The following SPON1 variants were observed in gnomAD, a reference collection of about 807,000 sequenced individuals.
SPON1 encodes the protein spondin 1.
Under a neutral mutation model 111.7 loss-of-function variants are expected in SPON1, and 52 were observed. The observed-to-expected ratio is 0.47, with a 90% CI of 0.37 to 0.59. The LOEUF is 0.59. Among genes scored for constraint, SPON1 ranks in the 20% least tolerant of loss-of-function variants. The pLI is 0.00. For synonymous variants in SPON1, 410 were observed against 395.8 expected, an observed-to-expected ratio of 1.04 and a Z score of -0.43; for missense variants, 957 against 1,068.5, an observed-to-expected ratio of 0.90 and a Z score of 1.46.
In SPON1 at chr11:13,975,389, C is replaced by G. The variant is rs1242142105; in HGVS notation, c.239-7458C>G. Among the ~76,000 whole-genome samples, 4 of 152,210 alleles carry G rather than the reference C, an allele frequency of 2.6e-5. No individual in the cohort carries two copies. In the East Asian group the frequency reaches 7.7e-4, roughly 29 times the overall value. ...ACTATGCATTTAAGACAAATAAAACCTTTTTTGTTCATTCATTCAACAAGT... is the reference window on the plus strand; with the variant it reads ...ACTATGCATTTAAGACAAATAAAACGTTTTTTGTTCATTCATTCAACAAGT... On this transcript the variant is annotated intron_variant, in intron 1 of 15. Transcript: ENST00000576479.
intron 2 of SPON1, among the ~76,000 whole-genome samples, chr11:14,013,294 G>T (rs1554913926): frequency 2.6e-5 from 4 of 152,138 alleles, no homozygotes. Flanking sequence ...ATCAGTAAAG[G>T]TGGGCATGGG....
Position 14,135,461 on chromosome 11 carries a change from T to C in SPON1, c.718T>C (p.Ser240Pro). Residue 240 changes from serine to proline, a missense_variant, in exon 6 of 16, where the codon TCC (serine) becomes CCC (proline). Physicochemically the swap from Ser to Pro is moderately conservative, Grantham distance 74. Around this residue, in one of 5 missense-constraint regions of SPON1, gnomAD observed 122 missense variants for 143.2 expected, o/e 0.85. Transcript: ENST00000576479. This position sits in a 1 kb window ranked among gnomAD's most constrained non-coding sequence, Gnocchi z 4.4. ...HWSAIIGGSH[S>P]KNYVLWEYGG... ...GTCTGCGATCATCGGAGGATCCCAC[T>C]CCAAGAATTATGTACTGTGGGAATA... 6.2e-7 allele frequency: 1 copy of C among 1,613,474 alleles called. No homozygotes were observed. Among genetic ancestry groups the C allele is most frequent in the Non-Finnish European group, 8.5e-7 (1 of 1,179,504 alleles).
chr11:14,126,303 C>G (rs1235592574), intron 5 of SPON1, among the ~76,000 whole-genome samples: 1 of 152,198 alleles, frequency 6.6e-6, no homozygotes, highest in Non-Finnish European at 1.5e-5. Context: ...ACCATGCACC[C>G]TGTCTCCTTC....
At chr11:14,187,031 G>A (rs1848292873) in intron 6 of SPON1, among the ~76,000 whole-genome samples, 2 of 152,152 alleles carry the variant, frequency 1.3e-5, no homozygotes, top group Admixed American at 6.6e-5. Flanking sequence ...CAGGCCATAC[G>A]AGCACAGCAC....
intron 3 of SPON1, among the ~76,000 whole-genome samples, chr11:14,074,282 G>A (rs1848899351): frequency 1.3e-5 from 2 of 152,226 alleles, no homozygotes; most frequent in Admixed American, 1.3e-4. Flanking sequence ...AAGACTAGAT[G>A]TAGAGTAGAT....
intron 6 of SPON1, among the ~76,000 whole-genome samples, chr11:14,215,316 G>T (rs1848615719): frequency 6.6e-6 from 1 of 152,088 alleles, no homozygotes; most frequent in African/African-American, 2.4e-5. Flanking sequence ...AGGTGACCTG[G>T]GTTATTTCTT....
intron 6 of SPON1, among the ~76,000 whole-genome samples, chr11:14,148,438 C>T (rs10741636): frequency 0.4 from 60,915 of 151,730 alleles, 12,423 homozygotes; most frequent in East Asian, 0.55. Flanking sequence ...TGTTTTTGTG[C>T]TATCTATTCA....
At chr11:14,121,664 C>G (rs1847390562) in intron 5 of SPON1, among the ~76,000 whole-genome samples, 1 of 152,066 alleles carries the variant, frequency 6.6e-6, no homozygotes, top group African/African-American at 2.4e-5. Flanking sequence ...AAAGGTGCAC[C>G]TTACCCACAT....
At chr11:14,124,029 G>T (rs1027616376) in intron 5 of SPON1, among the ~76,000 whole-genome samples, 23 of 152,248 alleles carry the variant, frequency 1.5e-4, no homozygotes, top group African/African-American at 5.3e-4. Flanking sequence ...AGCATATGCA[G>T]ATCTGGGAGT....
intron 2 of SPON1, among the ~76,000 whole-genome samples, chr11:14,015,437 T>A (rs1848437824): frequency 6.6e-6 from 1 of 152,218 alleles, no homozygotes; most frequent in Admixed American, 6.5e-5. Context: ...GGCTCTGCCC[T>A]CATGACTTAA....
chr11:14,141,467 A>T (rs1847655664), intron 6 of SPON1, among the ~76,000 whole-genome samples: 1 of 152,216 alleles, frequency 6.6e-6, no homozygotes, highest in Non-Finnish European at 1.5e-5. Flanking sequence ...TCCAACTTTT[A>T]TATTTCTCTG....
chr11:14,067,320 G>A (rs926333553), intron 3 of SPON1, among the ~76,000 whole-genome samples: 4 of 152,134 alleles, frequency 2.6e-5, no homozygotes, highest in Admixed American at 6.5e-5. Flanking sequence ...CTTTCCATCA[G>A]TTAGGCACAC....
chr11:14,162,157 C>CAAAAAAAAAAAAAAAAAAAAAAAATAAAA (rs72139147), intron 6 of SPON1, among the ~76,000 whole-genome samples: 1 of 112,616 alleles, frequency 8.9e-6, no homozygotes, highest in Non-Finnish European at 1.9e-5. Flanking sequence ...GACTCTGTCT[C>CAAAAAAAAAAAAAAAAAAAAAAAATAAAA]AAAAAAAAAA....
chr11:14,058,457 G>A (rs924788447), intron 3 of SPON1, among the ~76,000 whole-genome samples: 1 of 152,076 alleles, frequency 6.6e-6, no homozygotes, highest in Non-Finnish European at 1.5e-5. Flanking sequence ...TCCTGGTTGA[G>A]GGTGGTGAGG....
At chr11:14,124,674 C>T (rs1554926855) in intron 5 of SPON1, among the ~76,000 whole-genome samples, 1 of 152,158 alleles carries the variant, frequency 6.6e-6, no homozygotes, top group African/African-American at 2.4e-5. Context: ...AACTACTCAA[C>T]TCTGCCGTTG....
chr11:14,259,317 G>A lies in SPON1; in HGVS notation c.1530G>A (p.Trp510Ter). 3 of 1,613,070 alleles carry A rather than the reference G, an allele frequency of 1.9e-6. No individual in the cohort carries two copies. The highest frequency in any genetic ancestry group is 1.7e-6 in the Non-Finnish European group (2 of 1,179,624). The change falls in exon 12 of 16, where the codon TGG becomes TGA. Residue 510 changes from tryptophan to a stop codon, truncating the protein, a stop_gained. Coordinates refer to ENST00000576479, the MANE Select transcript of SPON1 (RefSeq NM_006108.4). LOFTEE classifies it high-confidence loss of function. The surrounding 1 kb of genome is among the most constrained non-coding windows in gnomAD (Gnocchi z 5.0). ...STCTMSEWIT[W>*]SPCSISCGMG... Reference sequence around the variant, plus strand: ...GCACCATGTCCGAGTGGATCACCTGGTCGCCCTGCAGCATCTCCTGCGGCA... The same window carrying A: ...GCACCATGTCCGAGTGGATCACCTGATCGCCCTGCAGCATCTCCTGCGGCA...
At chr11:14,131,187 T>A (rs1847524556) in intron 5 of SPON1, among the ~76,000 whole-genome samples, 1 of 152,226 alleles carries the variant, frequency 6.6e-6, no homozygotes, top group Admixed American at 6.5e-5. Context: ...TTCTGTATCA[T>A]GACCTCACAG....
At chr11:14,248,255 T>A (rs1279743163) in intron 7 of SPON1, among the ~76,000 whole-genome samples, 1 of 152,154 alleles carries the variant, frequency 6.6e-6, no homozygotes, top group Non-Finnish European at 1.5e-5. Context: ...GCAGGTGAGC[T>A]GTGAACAGAG....
intron 3 of SPON1, among the ~76,000 whole-genome samples, chr11:14,042,803 T>C (rs1848642000): frequency 6.6e-6 from 1 of 152,212 alleles, no homozygotes; most frequent in Admixed American, 6.5e-5. Context: ...CTGCAGTTCT[T>C]AGACTTCCAC....
Sources: allele counts gnomAD v4.1 joint callset (sites outside exome capture counted in the v4.1 genomes callset), GRCh38; gene constraint gnomAD v4.1.1; regional missense constraint gnomAD v4.1.1; non-coding constraint Gnocchi (gnomAD v3.1); transcripts MANE v1.5; gene names NCBI Gene and HGNC (gene_info 2026-07-23, HGNC 2026-07-21).